The following MAGI3 variants were observed in gnomAD, a reference collection of about 807,000 sequenced individuals.
The protein encoded by MAGI3 is membrane associated guanylate kinase, WW and PDZ domain containing 3.
A neutral mutation model predicts 121.8 loss-of-function variants in MAGI3; 43 were observed. That is an observed-to-expected ratio of 0.35 (90% confidence interval 0.28 to 0.46). The LOEUF is 0.46. Ranked by LOEUF, MAGI3 falls within the 20% of genes least tolerant of loss-of-function variation. The probability of loss-of-function intolerance (pLI) is 1.00; values close to 1 mark genes in which losing one functional copy is unlikely to be tolerated. For missense variants in MAGI3, 1,547 were observed against 1,797.3 expected (o/e 0.86, Z 2.52); for synonymous variants, 553 against 639.3 (o/e 0.86, Z 2.04).
chr1:113,556,925 A>T (rs1334965910), intron 2 of MAGI3, among the ~76,000 whole-genome samples: 3 of 152,226 alleles, frequency 2.0e-5, no homozygotes, highest in Non-Finnish European at 4.4e-5. Context: ...GATGAAATGG[A>T]CAAATTCTTT....
intron 3 of MAGI3, among the ~76,000 whole-genome samples, chr1:113,585,093 G>A (rs745576217): frequency 4.0e-5 from 6 of 148,882 alleles, no homozygotes; most frequent in Non-Finnish European, 5.9e-5. Context: ...TCAGTCTCCC[G>A]AGTAACTGGG....
intron 5 of MAGI3, 141 bp from the exon 6 acceptor site, chr1:113,594,340 A>T (rs1057234222): frequency 1.6e-6 from 1 of 631,722 alleles, no homozygotes; most frequent in African/African-American, 1.9e-5. Context: ...GGGTTAATGA[A>T]TGAATCTGAG....
At chr1:113,454,995 G>T (rs1008147329) in intron 1 of MAGI3, among the ~76,000 whole-genome samples, 1 of 152,126 alleles carries the variant, frequency 6.6e-6, no homozygotes, top group Non-Finnish European at 1.5e-5. Flanking sequence ...GAAGGCATAC[G>T]TGAAAAATTA....
intron 1 of MAGI3, among the ~76,000 whole-genome samples, chr1:113,397,012 A>G (rs1207253186): frequency 6.6e-6 from 1 of 152,206 alleles, no homozygotes; most frequent in African/African-American, 2.4e-5. Context: ...TCACAAAAAG[A>G]GGGAAATCAA....
intron 1 of MAGI3, among the ~76,000 whole-genome samples, chr1:113,458,464 C>T (rs926171205): frequency 6.6e-6 from 1 of 152,072 alleles, no homozygotes; most frequent in Non-Finnish European, 1.5e-5. Context: ...TTATCATTTG[C>T]CATCTGAATC....
intron 9 of MAGI3, among the ~76,000 whole-genome samples, chr1:113,636,611 G>T (rs1353661246): frequency 6.6e-6 from 1 of 152,018 alleles, no homozygotes; most frequent in Admixed American, 6.6e-5. Flanking sequence ...TATAATTTCT[G>T]TTCTTTTACA....
At chr1:113,415,991 T>C (rs1354820740) in intron 1 of MAGI3, among the ~76,000 whole-genome samples, 21 of 77,706 alleles carry the variant, frequency 2.7e-4, no homozygotes, top group South Asian at 6.4e-4. Flanking sequence ...ATATATTAAT[T>C]ATATAATTAA....
chr1:113,418,448 C>T (rs1652567553), intron 1 of MAGI3, among the ~76,000 whole-genome samples: 2 of 152,094 alleles, frequency 1.3e-5, no homozygotes, highest in Admixed American at 6.6e-5. Flanking sequence ...TTTTCCATTT[C>T]TTTCTGAGTC....
chr1:113,522,000 A>G (rs976434419), intron 1 of MAGI3, among the ~76,000 whole-genome samples: 2 of 152,224 alleles, frequency 1.3e-5, no homozygotes, highest in African/African-American at 4.8e-5. Flanking sequence ...CCACAGCTCC[A>G]CAAAATAACT....
intron 4 of MAGI3, among the ~76,000 whole-genome samples, chr1:113,589,171 A>G (rs547591254): frequency 6.6e-6 from 1 of 152,062 alleles, no homozygotes; most frequent in East Asian, 1.9e-4. Context: ...GCTTGCTTCT[A>G]TTTTGTTAGT....
chr1:113,632,119 G>C (rs965709056), intron 9 of MAGI3, among the ~76,000 whole-genome samples: 2 of 152,098 alleles, frequency 1.3e-5, no homozygotes, highest in South Asian at 4.1e-4. Context: ...CTTTCCCATT[G>C]AGGTAACAAA....
intron 1 of MAGI3, among the ~76,000 whole-genome samples, chr1:113,431,186 T>G (rs1355227104): frequency 6.6e-6 from 1 of 152,112 alleles, no homozygotes; most frequent in African/African-American, 2.4e-5. Flanking sequence ...GGCATGGTGG[T>G]GTATGCCTAT....
At chr1:113,570,598 ATGGTGTCT>A (rs1647236291) in intron 2 of MAGI3, among the ~76,000 whole-genome samples, 4 of 152,202 alleles carry the variant, frequency 2.6e-5, no homozygotes, top group East Asian at 1.9e-4. Flanking sequence ...CTGATGTGAG[ATGGTGTCT>A]TGTTGTGGTT....
intron 9 of MAGI3, among the ~76,000 whole-genome samples, chr1:113,630,181 C>T (rs1215953667): frequency 6.6e-6 from 1 of 152,110 alleles, no homozygotes; most frequent in African/African-American, 2.4e-5. Context: ...CAGAATTCTT[C>T]CCATTCTTCA....
At chr1:113,681,107 T>C (rs769276492) in intron 19 of MAGI3, 91 bp from the exon 20 acceptor site, 1 of 1,469,614 alleles carries the variant, frequency 6.8e-7, no homozygotes, top group Non-Finnish European at 9.2e-7. Context: ...AAGAATCACT[T>C]AGCAAGGTTG....
chr1:113,641,093 ATATAT>A (rs1652491409), intron 9 of MAGI3, among the ~76,000 whole-genome samples: 1 of 61,746 alleles, frequency 1.6e-5, no homozygotes, highest in Admixed American at 1.6e-4. Context: ...GATATATATT[ATATAT>A]ATGATATATA....
chr1:113,622,143 A>T (rs1392099960), intron 8 of MAGI3, among the ~76,000 whole-genome samples: 1 of 152,212 alleles, frequency 6.6e-6, no homozygotes, highest in Non-Finnish European at 1.5e-5. Flanking sequence ...ATGGCAGAAC[A>T]TTTAAAATCT....
In MAGI3 at chr1:113,649,622, T is replaced by C. The variant is rs545020786; in HGVS notation, c.2247+294T>C. On this transcript the variant is annotated intron_variant, in intron 13 of 20. Coordinates refer to ENST00000307546, the MANE Select transcript of MAGI3 (RefSeq NM_001142782.2). Reference sequence around the variant, plus strand: ...TTTAAGTTTATATTTTCCTTTGCCCTCATTAAACAGAGTCTAAGACATTTT... The same window carrying C: ...TTTAAGTTTATATTTTCCTTTGCCCCCATTAAACAGAGTCTAAGACATTTT... Among the ~76,000 whole-genome samples the C allele has an allele frequency of 2.0e-4, 31 of 152,356 alleles. No homozygotes were observed. The South Asian group carries it at 6.4e-3, about 32-fold the overall frequency.
intron 13 of MAGI3, 99 bp from the exon 14 acceptor site, chr1:113,650,915 C>A: frequency 9.1e-7 from 1 of 1,093,138 alleles, no homozygotes; most frequent in Non-Finnish European, 1.3e-6. Flanking sequence ...AGTTGAACTG[C>A]AAAAATCTGT....
Sources: allele counts gnomAD v4.1 joint callset (sites outside exome capture counted in the v4.1 genomes callset), GRCh38; gene constraint gnomAD v4.1.1; transcripts MANE v1.5; gene names NCBI Gene and HGNC (gene_info 2026-07-23, HGNC 2026-07-21).